The following ANGPT2 variants were observed in gnomAD, a reference collection of about 807,000 sequenced individuals.
ANGPT2 encodes the protein angiopoietin-2.
In ANGPT2, 28 loss-of-function variants were observed where a neutral mutation model predicts 62.9. That is an observed-to-expected ratio of 0.44 (90% CI 0.33 to 0.61). The LOEUF (loss-of-function observed/expected upper bound fraction) is 0.61. Among genes scored for constraint, ANGPT2 ranks in the 20% least tolerant of loss-of-function variants. The pLI, the probability that ANGPT2 is intolerant of heterozygous loss-of-function variation, is 0.03. For synonymous variants in ANGPT2, 284 were observed against 207.8 expected, an observed-to-expected ratio of 1.37 and a Z score of -3.15; for missense variants, 727 against 594.9, an observed-to-expected ratio of 1.22 and a Z score of -2.31.
intron 1 of ANGPT2, among the ~76,000 whole-genome samples, chr8:6,553,854 G>A (rs984228843): frequency 2.0e-5 from 3 of 152,078 alleles, no homozygotes; most frequent in African/African-American, 4.8e-5. Context: ...GGCACTGGCT[G>A]TGGATTTACA....
rs896016164 is a variant in ANGPT2, at chr8:6,501,520, T to A, written c.*1581A>T. On this transcript the variant is annotated 3_prime_UTR_variant, in exon 9 of 9. Transcript: ENST00000629816. ...GAGTTTATGGTTTTGTAGTCCCGAG[T>A]ATAAAGCTGTGTTCTCAAATTTTCT... 1 of 151,890 alleles carries A rather than the reference T, an allele frequency of 6.6e-6. No homozygotes were observed. Among genetic ancestry groups the A allele is most frequent in the Non-Finnish European group, 1.5e-5 (1 of 68,002 alleles). The allele number at this position is 151,890 out of a possible 1,614,324, so 9.4% of individuals were successfully genotyped here.
intron 3 of ANGPT2, among the ~76,000 whole-genome samples, chr8:6,523,529 C>T (rs540534204): frequency 1.3e-5 from 2 of 152,306 alleles, no homozygotes; most frequent in South Asian, 4.1e-4. Flanking sequence ...AGAATGTTAA[C>T]TGTTTCCCAG....
intron 1 of ANGPT2, among the ~76,000 whole-genome samples, chr8:6,548,092 G>C (rs1822934654): frequency 6.6e-6 from 1 of 152,174 alleles, no homozygotes; most frequent in Non-Finnish European, 1.5e-5. Context: ...CCTAGCGGAA[G>C]AACCTACATT....
At chr8:6,557,981 T>TCTTGACTGACTCCCTCAC (rs1230689323) in intron 1 of ANGPT2, among the ~76,000 whole-genome samples, 1 of 152,112 alleles carries the variant, frequency 6.6e-6, no homozygotes, top group Non-Finnish European at 1.5e-5. Flanking sequence ...CTCTTCCTCA[T>TCTTGACTGACTCCCTCAC]CTTGACTGAC....
At chr8:6,505,321 T>TA (rs576752803) in intron 8 of ANGPT2, among the ~76,000 whole-genome samples, 1 of 67,668 alleles carries the variant, frequency 1.5e-5, no homozygotes, top group African/African-American at 7.3e-5. Flanking sequence ...CATATATATG[T>TA]TATATACATA....
intron 2 of ANGPT2, among the ~76,000 whole-genome samples, chr8:6,530,114 A>T (rs75526852): frequency 6.6e-6 from 1 of 152,226 alleles, no homozygotes; most frequent in Non-Finnish European, 1.5e-5. Flanking sequence ...CATTTTTTGG[A>T]TGAGCTATTC....
chr8:6,512,449 G>C (rs972171664), intron 7 of ANGPT2, among the ~76,000 whole-genome samples: 5 of 152,126 alleles, frequency 3.3e-5, no homozygotes, highest in Non-Finnish European at 5.9e-5. Context: ...TGTGATGTTC[G>C]TGTTGACCTT....
rs1330236961 is a variant in ANGPT2, at chr8:6,505,533, GTATATATAGAATATATA to G, written c.1328-2289_1328-2273del. Among the ~76,000 whole-genome samples the G allele has an allele frequency of 3.3e-5, 2 of 61,224 alleles. 1 individual carries two copies. The highest frequency in any genetic ancestry group is 8.5e-5 in the Non-Finnish European group (2 of 23,454). The allele number at this position is 61,224 out of a possible 152,430, so 40.2% of individuals were successfully genotyped here. ...TATAGAATATATATTCTTTATATAT[GTATATATAGAATATATA>G]TACTTTATATATGTATATATAGAAT... is the stretch of plus-strand genomic sequence containing the variant. On this transcript the variant is annotated intron_variant, in intron 8 of 8. Coordinates refer to ENST00000629816, the MANE Select transcript of ANGPT2 (RefSeq NM_001118887.2).
chr8:6,530,318 G>C (rs1183439780), intron 2 of ANGPT2, among the ~76,000 whole-genome samples: 1 of 152,032 alleles, frequency 6.6e-6, no homozygotes, highest in South Asian at 2.1e-4. Context: ...GACCAGCCTG[G>C]CCAACGTGGT....
At chr8:6,538,589 C>T (rs73507135) in intron 1 of ANGPT2, among the ~76,000 whole-genome samples, 2,786 of 152,312 alleles carry the variant, frequency 0.018, 99 homozygotes, top group African/African-American at 0.064. Context: ...CCTCATACCA[C>T]GGCCGCCTTT....
At chr8:6,517,890 A>C (rs1035628925) in intron 5 of ANGPT2, among the ~76,000 whole-genome samples, 1 of 152,214 alleles carries the variant, frequency 6.6e-6, no homozygotes, top group Non-Finnish European at 1.5e-5. Flanking sequence ...AATTGACACC[A>C]CTTATTTTTC....
intron 1 of ANGPT2, among the ~76,000 whole-genome samples, chr8:6,559,743 T>G (rs1825228804): frequency 6.6e-6 from 1 of 152,238 alleles, no homozygotes; most frequent in African/African-American, 2.4e-5. Flanking sequence ...TGAGTTTTTA[T>G]AAAGTGTGTT....
Position 6,502,392 on chromosome 8 carries a change from C to G in ANGPT2, c.*709G>C, listed in dbSNP as rs572271009. 1 of 152,114 alleles carries G rather than the reference C, an allele frequency of 6.6e-6. No homozygotes were observed. Among genetic ancestry groups the G allele is most frequent in the South Asian group, 2.1e-4 (1 of 4,822 alleles). The allele number at this position is 152,114 out of a possible 1,614,324, so 9.4% of individuals were successfully genotyped here. A position where few individuals can be genotyped will look rare whatever the true frequency, so the allele number is the denominator to read the frequency against. On this transcript the variant is annotated 3_prime_UTR_variant, in exon 9 of 9. Transcript: ENST00000629816. The stretch of plus-strand genomic sequence containing the variant: ...GGTCTGCATATAAACTAAAATGGCA[C>G]GTTTCTGTTGATAATTTCAGAGATT...
At chr8:6,559,230 AACACACACACACACACAC>A (rs59299448) in intron 1 of ANGPT2, among the ~76,000 whole-genome samples, 1 of 146,724 alleles carries the variant, frequency 6.8e-6, no homozygotes, top group Admixed American at 6.8e-5. Flanking sequence ...CACACACGAC[AACACACACACACACACAC>A]ACACACACAC....
Position 6,523,890 on chromosome 8 carries a change from A to ATT in ANGPT2, c.567-2482_567-2481dup, listed in dbSNP as rs367933701. On this transcript the variant is annotated intron_variant, in intron 3 of 8. Transcript: ENST00000629816. ...GCATGAGCCACCGTGCCTGGCTGGCATTTTTTTTTTTTTTTAATAAGATAC... is the reference window on the plus strand; with the variant it reads ...GCATGAGCCACCGTGCCTGGCTGGCATTTTTTTTTTTTTTTTTAATAAGATAC... Among the ~76,000 whole-genome samples the ATT allele has an allele frequency of 5.8e-3, 842 of 143,994 alleles. 2 individuals are homozygous for ATT. Among genetic ancestry groups the ATT allele is most frequent in the African/African-American group, 0.013 (501 of 39,442 alleles). 94.5% of individuals were successfully genotyped at this position (143,994 alleles called of 152,430 possible). A position where few individuals can be genotyped will look rare whatever the true frequency, so the allele number is the denominator to read the frequency against.
At chr8:6,531,591 C>T (rs1259562218) in intron 2 of ANGPT2, among the ~76,000 whole-genome samples, 5 of 152,292 alleles carry the variant, frequency 3.3e-5, no homozygotes, top group Admixed American at 3.3e-4. Context: ...TGCGCCTGGC[C>T]ACTAGTTGAC....
chr8:6,554,472 C>G (rs571529644), intron 1 of ANGPT2, among the ~76,000 whole-genome samples: 1 of 152,196 alleles, frequency 6.6e-6, no homozygotes, highest in East Asian at 1.9e-4. Context: ...CCCAAGATTT[C>G]TATATCTTAG....
At chr8:6,551,946 T>C (rs1823722946) in intron 1 of ANGPT2, among the ~76,000 whole-genome samples, 2 of 152,202 alleles carry the variant, frequency 1.3e-5, no homozygotes, top group African/African-American at 4.8e-5. Context: ...GACTACGCAG[T>C]CTAATAAAAC....
At chr8:6,525,188 C>G (rs1172552254) in intron 3 of ANGPT2, among the ~76,000 whole-genome samples, 1 of 152,176 alleles carries the variant, frequency 6.6e-6, no homozygotes, top group African/African-American at 2.4e-5. Flanking sequence ...CAATAACAAT[C>G]AGTATTAATA....
Sources: gnomAD v4.1 joint callset for allele counts (sites outside exome capture counted in the v4.1 genomes callset) on GRCh38, gnomAD v4.1.1 for gene constraint, MANE v1.5 for transcripts, NCBI Gene and HGNC (gene_info 2026-07-23, HGNC 2026-07-21) for gene names.